GSTA1: variants seen among roughly 807,000 people sequenced by gnomAD.
The protein encoded by GSTA1 is glutathione S-transferase alpha 1.
GSTA1 carries 23 observed loss-of-function variants against 21.5 expected under a neutral mutation model. That is an observed-to-expected ratio of 1.07 (90% CI 0.77 to 1.52). The LOEUF (loss-of-function observed/expected upper bound fraction) is 1.52, where lower values mean the gene tolerates loss of function less well. Among genes scored for constraint, GSTA1 ranks in the 40% most tolerant of loss-of-function variants. The pLI is 0.00. For missense variants in GSTA1, 301 were observed against 264.2 expected, an observed-to-expected ratio of 1.14 and a Z score of -0.96; for synonymous variants, 125 against 90.0, an observed-to-expected ratio of 1.39 and a Z score of -2.20.
chr6:52,792,797 A>G (rs768543798), intron 6 of GSTA1, 59 bp downstream of exon 6: 4 of 1,612,752 alleles, frequency 2.5e-6, no homozygotes, highest in Non-Finnish European at 3.4e-6. Context: ...CAGGGCCCAG[A>G]TACAAGATCC....
Position 52,792,985 on chromosome 6 carries a change from G to T in GSTA1, c.417C>A (p.Val139=). The T allele has an allele frequency of 6.2e-7, 1 of 1,613,998 alleles. No homozygotes were observed. Among genetic ancestry groups the T allele is most frequent in the Non-Finnish European group, 8.5e-7 (1 of 1,179,966 alleles). ...KNRYFPAFEK[V]LKSHGQDYLV... is the part of the protein sequence containing the mutation. ...GGTAGTCTTGTCCATGGCTCTTTAA[G>T]ACCTGGAGAATGGGAGGAATCAGAT... The change falls in exon 6 of 7, where the codon GTC becomes GTA. Residue 139 remains valine (V), a splice_region_variant and synonymous_variant. Transcript: ENST00000334575.
intron 1 of GSTA1, among the ~76,000 whole-genome samples, chr6:52,802,128 T>C (rs551562704): frequency 1.3e-5 from 2 of 152,312 alleles, no homozygotes; most frequent in Non-Finnish European, 2.9e-5. Flanking sequence ...TGACTTTCTC[T>C]GATTTGACAA....
rs1301717061 is a variant in GSTA1, at chr6:52,791,880, GCTT to G, written c.644_646del (p.Glu215del). The G allele has an allele frequency of 1.9e-6, 3 of 1,613,966 alleles. No homozygotes were observed. Among genetic ancestry groups the G allele is most frequent in the Non-Finnish European group, 2.5e-6 (3 of 1,179,878 alleles). Reference sequence around the variant, plus strand: ...TTATTAAAACCTGAAAATCTTCCTTGCTTCTTCTAAAGATTTCTCATCCATGGG... The same window carrying G: ...TTATTAAAACCTGAAAATCTTCCTTGCTTCTAAAGATTTCTCATCCATGGG... On this transcript the variant is annotated inframe_deletion, in exon 7 of 7. Transcript: ENST00000334575.
At chr6:52,801,534 T>C (rs1174762738) in intron 1 of GSTA1, among the ~76,000 whole-genome samples, 1 of 152,230 alleles carries the variant, frequency 6.6e-6, no homozygotes, top group Non-Finnish European at 1.5e-5. Context: ...TCTTAGCCAT[T>C]GATTGAGGAT....
At chr6:52,792,008 G>A (rs1448735767) in intron 6 of GSTA1, 28 bp from the exon 7 acceptor site, 1 of 1,613,350 alleles carries the variant, frequency 6.2e-7, no homozygotes, top group Non-Finnish European at 8.5e-7. Flanking sequence ...CAGCCTCAGA[G>A]TGAAGCCAAG....
intron 2 of GSTA1, among the ~76,000 whole-genome samples, 183 bp downstream of exon 2, chr6:52,798,998 G>T (rs1418483219): frequency 2.0e-5 from 3 of 152,232 alleles, no homozygotes; most frequent in Admixed American, 6.5e-5. Context: ...TAATATGTTT[G>T]CTTTTAGATG....
Position 52,792,939 on chromosome 6 carries a change from G to A in GSTA1, c.463C>T (p.Arg155Trp), listed in dbSNP as rs140052990. Reference sequence around the variant, plus strand: ...AGTTCCACCAGATGAATGTCAGCCCGGCTCAGCTTGTTGCCAACAAGGTAG... The same window carrying A: ...AGTTCCACCAGATGAATGTCAGCCCAGCTCAGCTTGTTGCCAACAAGGTAG... The part of the protein sequence containing the change: ...QDYLVGNKLS[R>W]ADIHLVELLY... Residue 155 changes from arginine (R) to tryptophan (W), a missense_variant, in exon 6 of 7, where the codon CGG becomes TGG. Arg to Trp is a moderately radical substitution (Grantham distance 101, BLOSUM62 -3). Transcript: ENST00000334575. The A allele has an allele frequency of 4.3e-4, 696 of 1,614,094 alleles. 3 individuals are homozygous for A. Among genetic ancestry groups the A allele is most frequent in the African/African-American group, 1.3e-3 (95 of 75,018 alleles).
intron 1 of GSTA1, among the ~76,000 whole-genome samples, chr6:52,799,624 T>C (rs1016804034): frequency 5.9e-5 from 9 of 152,242 alleles, no homozygotes; most frequent in Non-Finnish European, 1.2e-4. Context: ...GAAAACTTCC[T>C]AGTGATCCTT....
intron 3 of GSTA1, among the ~76,000 whole-genome samples, chr6:52,797,009 G>A (rs1763607694): frequency 6.6e-6 from 1 of 152,076 alleles, no homozygotes; most frequent in Non-Finnish European, 1.5e-5. Flanking sequence ...GGAAGAGGTT[G>A]GGACAAGTTA....
chr6:52,802,213 G>T (rs1376839341), intron 1 of GSTA1, among the ~76,000 whole-genome samples: 2 of 152,024 alleles, frequency 1.3e-5, no homozygotes, highest in Non-Finnish European at 1.5e-5. Flanking sequence ...ATTAAAAAAT[G>T]GGCTTGTTTT....
chr6:52,791,792 G>T lies in GSTA1; in HGVS notation c.*66C>A. 1.3e-6 allele frequency: 2 copies of T among 1,588,492 alleles called. No homozygotes were observed. Among genetic ancestry groups the T allele is most frequent in the Non-Finnish European group, 1.7e-6 (2 of 1,159,252 alleles). Reference sequence around the variant, plus strand: ...CAGGCACAATCAACACTTAGGTAAAGTACTTTATTGTTGCAAAACTTTAGA... The same window carrying T: ...CAGGCACAATCAACACTTAGGTAAATTACTTTATTGTTGCAAAACTTTAGA... On this transcript the variant is annotated 3_prime_UTR_variant, in exon 7 of 7. Coordinates refer to ENST00000334575, the MANE Select transcript of GSTA1 (RefSeq NM_145740.5).
chr6:52,802,199 A>G (rs912125883), intron 1 of GSTA1, among the ~76,000 whole-genome samples: 1 of 152,172 alleles, frequency 6.6e-6, no homozygotes, highest in African/African-American at 2.4e-5. Context: ...ATTAACTTAC[A>G]TCAATTAAAA....
rs1252498122 is a variant in GSTA1 at position 52,796,227 on chromosome 6, G to A, written c.227C>T (p.Ala76Val). 2 of 1,613,742 alleles carry A rather than the reference G, an allele frequency of 1.2e-6. No homozygotes were observed. Among genetic ancestry groups the A allele is most frequent in the Admixed American group, 1.7e-5 (1 of 59,966 alleles). Residue 76 changes from alanine to valine, a missense_variant, in exon 4 of 7, where the codon GCC (alanine) becomes GTC (valine). Coordinates refer to ENST00000334575, the MANE Select transcript of GSTA1 (RefSeq NM_145740.5). Reference protein sequence around the residue: ...VQTRAILNYIASKYNLYGKDI... With the variant: ...VQTRAILNYIVSKYNLYGKDI... ...TTTCCCATAGAGGTTGTATTTGCTG[G>A]CAATGTAGTTGAGAATGGCTCTGGT... is the stretch of plus-strand genomic sequence containing the variant.
chr6:52,794,513 G>A (rs760757058), intron 4 of GSTA1, among the ~76,000 whole-genome samples: 7 of 152,124 alleles, frequency 4.6e-5, no homozygotes, highest in Non-Finnish European at 8.8e-5. Context: ...AAAGAACGTC[G>A]GTGGTCACAG....
chr6:52,795,742 C>T (rs1335723950), intron 4 of GSTA1, among the ~76,000 whole-genome samples: 1 of 152,102 alleles, frequency 6.6e-6, no homozygotes, highest in African/African-American at 2.4e-5. Flanking sequence ...AATTTAGGTT[C>T]CCGGTCATCA....
chr6:52,799,296 G>C lies in GSTA1; in HGVS notation c.-29C>G. 1.3e-6 allele frequency: 2 copies of C among 1,547,688 alleles called. No individual in the cohort carries two copies. The highest frequency in any genetic ancestry group is 1.8e-6 in the Non-Finnish European group (2 of 1,130,206). On this transcript the variant is annotated splice_region_variant and 5_prime_UTR_variant, in exon 2 of 7. Transcript: ENST00000334575. ...AGCAGTCTCCTGGAGGTTTCTCTAA[G>C]CCTGAATGAATGAATGAATGAATGA...
chr6:52,796,065 T>C (rs765447633), intron 4 of GSTA1, 117 bp downstream of exon 4: 3 of 1,485,290 alleles, frequency 2.0e-6, no homozygotes, highest in Non-Finnish European at 2.8e-6. Flanking sequence ...TCAGCGTACA[T>C]GCCCAAGGCC....
intron 2 of GSTA1, among the ~76,000 whole-genome samples, chr6:52,798,557 AT>A (rs1406394979): frequency 9.6e-6 from 1 of 104,110 alleles, no homozygotes; most frequent in African/African-American, 3.8e-5. Context: ...AATTACAATC[AT>A]TTTTTAATAT....
At chr6:52,796,128 G>A in intron 4 of GSTA1, 54 bp downstream of exon 4, 2 of 1,610,324 alleles carry the variant, frequency 1.2e-6, no homozygotes, top group Non-Finnish European at 1.7e-6. Context: ...CTCAAGGAAG[G>A]ACCTAAATCA....
Sources: gnomAD v4.1 joint callset for allele counts (sites outside exome capture counted in the v4.1 genomes callset) on GRCh38, gnomAD v4.1.1 for gene constraint, MANE v1.5 for transcripts, NCBI Gene and HGNC (gene_info 2026-07-23, HGNC 2026-07-21) for gene names.